The following VIT variants were observed in gnomAD, a reference collection of about 807,000 sequenced individuals.
VIT encodes the protein vitrin.
A neutral mutation model predicts 78.0 loss-of-function variants in VIT; 99 were observed. The observed-to-expected ratio is 1.27, with a 90% CI of 1.08 to 1.50. The LOEUF (loss-of-function observed/expected upper bound fraction) is 1.50. Ranked by LOEUF, VIT falls within the 40% of genes most tolerant of loss-of-function variation. The pLI is 0.00. For missense variants in VIT, 1,126 were observed against 875.3 expected, an observed-to-expected ratio of 1.29 and a Z score of -3.61; for synonymous variants, 374 against 334.3, an observed-to-expected ratio of 1.12 and a Z score of -1.29.
intron 2 of VIT, among the ~76,000 whole-genome samples, chr2:36,726,465 G>A (rs1666851897): frequency 6.6e-6 from 1 of 152,138 alleles, no homozygotes; most frequent in Non-Finnish European, 1.5e-5. Flanking sequence ...CATTTGTGTT[G>A]TTTACGTTTT....
At chr2:36,801,155 A>T in intron 12 of VIT, 146 bp from the exon 13 acceptor site, 1 of 735,576 alleles carries the variant, frequency 1.4e-6, no homozygotes, top group South Asian at 1.7e-5. Flanking sequence ...TACACACACC[A>T]GTCCACAATG....
At chr2:36,772,248 AAAAT>A (rs538878338) in intron 7 of VIT, among the ~76,000 whole-genome samples, 32 of 151,920 alleles carry the variant, frequency 2.1e-4, no homozygotes, top group African/African-American at 7.7e-4. Context: ...TGACTCTACA[AAAAT>A]AAAAAAAACT....
intron 2 of VIT, among the ~76,000 whole-genome samples, chr2:36,717,181 G>A (rs752696146): frequency 6.9e-4 from 86 of 124,444 alleles, no homozygotes; most frequent in Non-Finnish European, 1.2e-3. Context: ...GGCCAGAGAT[G>A]ATTTTTTTTT....
At chr2:36,740,261 G>A (rs1405749299) in intron 3 of VIT, among the ~76,000 whole-genome samples, 2 of 152,172 alleles carry the variant, frequency 1.3e-5, no homozygotes, top group African/African-American at 2.4e-5. Context: ...GCCAACATCC[G>A]TTTCATCTGG....
chr2:36,708,217 A>G (rs1665568866), intron 1 of VIT, among the ~76,000 whole-genome samples: 1 of 152,076 alleles, frequency 6.6e-6, no homozygotes, highest in African/African-American at 2.4e-5. Flanking sequence ...AGATGAAGAA[A>G]GCAAGGCTGC....
At chr2:36,743,367 C>T (rs769540652) in intron 4 of VIT, 111 bp downstream of exon 4, 11 of 1,151,742 alleles carry the variant, frequency 9.6e-6, no homozygotes, top group Non-Finnish European at 1.2e-5. Flanking sequence ...TATTTTTTAG[C>T]TCAAAATCTT....
chr2:36,770,631 A>G (rs1669688800), intron 7 of VIT, among the ~76,000 whole-genome samples: 1 of 152,180 alleles, frequency 6.6e-6, no homozygotes, highest in South Asian at 2.1e-4. Context: ...AAGGCCAAGG[A>G]CAATGGCATC....
At chr2:36,807,596 A>T (rs1019015864) in intron 14 of VIT, among the ~76,000 whole-genome samples, 1 of 152,228 alleles carries the variant, frequency 6.6e-6, no homozygotes, top group Non-Finnish European at 1.5e-5. Flanking sequence ...TCTTTTAATT[A>T]TACAAGGGTA....
chr2:36,798,279 C>A (rs1019032684), intron 12 of VIT, among the ~76,000 whole-genome samples: 1 of 152,128 alleles, frequency 6.6e-6, no homozygotes, highest in Non-Finnish European at 1.5e-5. Flanking sequence ...CAGAGACCAA[C>A]ACAGGGATTC....
chr2:36,749,106 AG>A (rs1668307787), intron 4 of VIT, among the ~76,000 whole-genome samples: 1 of 152,248 alleles, frequency 6.6e-6, no homozygotes, highest in African/African-American at 2.4e-5. Context: ...GGGGAGAGGA[AG>A]AGAATTGTAC....
chr2:36,787,427 C>G, intron 12 of VIT, 151 bp downstream of exon 12: 1 of 1,137,466 alleles, frequency 8.8e-7, no homozygotes, highest in Non-Finnish European at 1.2e-6. Flanking sequence ...AATGAAAAAA[C>G]TGAAGGAATC....
At position 36,696,752 on chromosome 2, in the gene VIT, G is replaced by A. The variant is rs1377567108; in HGVS notation, c.-240G>A. 5 of 151,948 alleles carry A rather than the reference G, an allele frequency of 3.3e-5. No homozygotes were observed. Among genetic ancestry groups the A allele is most frequent in the African/African-American group, 1.2e-4 (5 of 41,350 alleles). 9.4% of individuals were successfully genotyped at this position (151,948 alleles called of 1,614,324 possible). A position where few individuals can be genotyped will look rare whatever the true frequency, so the allele number is the denominator to read the frequency against. On this transcript the variant is annotated 5_prime_UTR_variant, in exon 1 of 16. The change creates a new upstream start codon in the 5' untranslated region. Transcript: ENST00000379242. ...TGAGCATGTGTGTGTGTGTATGTGT[G>A]TGGGGGGGGGTGTAAAATGTGTTTT...
intron 7 of VIT, among the ~76,000 whole-genome samples, chr2:36,769,752 T>C (rs148581740): frequency 7.2e-5 from 11 of 152,334 alleles, no homozygotes; most frequent in African/African-American, 2.6e-4. Context: ...CGTATATTCA[T>C]AGGGTTGTGT....
chr2:36,733,368 C>T (rs1246298885), intron 3 of VIT, among the ~76,000 whole-genome samples: 2 of 152,138 alleles, frequency 1.3e-5, no homozygotes, highest in Non-Finnish European at 2.9e-5. Context: ...CTCTCCAGAC[C>T]ATGTCTCTCA....
chr2:36,791,757 C>T (rs1268099546), intron 12 of VIT, among the ~76,000 whole-genome samples: 4 of 152,242 alleles, frequency 2.6e-5, no homozygotes, highest in African/African-American at 4.8e-5. Context: ...AGGGGCACAG[C>T]TCTGGCCACA....
chr2:36,792,682 G>T (rs1047663626), intron 12 of VIT, among the ~76,000 whole-genome samples: 42 of 152,104 alleles, frequency 2.8e-4, no homozygotes, highest in Non-Finnish European at 2.9e-5. Context: ...GAGTTCCCCA[G>T]CTGATTCTGT....
At chr2:36,758,877 T>C in intron 5 of VIT, 92 bp from the exon 6 acceptor site, 2 of 1,097,536 alleles carry the variant, frequency 1.8e-6, no homozygotes, top group East Asian at 4.7e-5. Context: ...TGAAGAGAGA[T>C]AAATTGAAAG....
chr2:36,717,575 G>A (rs1187612617), intron 2 of VIT, among the ~76,000 whole-genome samples: 10 of 152,120 alleles, frequency 6.6e-5, no homozygotes, highest in Admixed American at 5.2e-4. Flanking sequence ...TATCACCAGA[G>A]TACGCAATCA....
At chr2:36,778,304 C>T (rs937659578) in intron 9 of VIT, among the ~76,000 whole-genome samples, 1 of 152,338 alleles carries the variant, frequency 6.6e-6, no homozygotes, top group South Asian at 2.1e-4. Flanking sequence ...GCGTCCCCCA[C>T]TGCCAGCCTT....
Sources: gnomAD v4.1 joint callset for allele counts (sites outside exome capture counted in the v4.1 genomes callset) on GRCh38, gnomAD v4.1.1 for gene constraint, MANE v1.5 for transcripts, NCBI Gene and HGNC (gene_info 2026-07-23, HGNC 2026-07-21) for gene names.